CCDC85A: variants seen among roughly 807,000 people sequenced by gnomAD.
The protein encoded by CCDC85A is coiled-coil domain containing 85A.
Under a neutral mutation model 50.2 loss-of-function variants are expected in CCDC85A, and 38 were observed. The observed-to-expected ratio is 0.76, with a 90% CI of 0.58 to 0.99. The LOEUF (loss-of-function observed/expected upper bound fraction) is 0.99, where lower values mean the gene tolerates loss of function less well. Among genes scored for constraint, CCDC85A ranks in the 50% least tolerant of loss-of-function variants. CCDC85A has a pLI of 0.00. For synonymous variants in CCDC85A, 366 were observed against 301.4 expected (o/e 1.21, Z -2.22); for missense variants, 820 against 742.0 (o/e 1.11, Z -1.22).
At chr2:56,237,790 A>T (rs1205707303) in intron 2 of CCDC85A, among the ~76,000 whole-genome samples, 1 of 151,496 alleles carries the variant, frequency 6.6e-6, no homozygotes, top group Non-Finnish European at 1.5e-5. Context: ...CTATGATTGA[A>T]TGCTGAATAT....
intron 3 of CCDC85A, among the ~76,000 whole-genome samples, chr2:56,360,477 C>A (rs1675469539): frequency 6.6e-6 from 1 of 152,192 alleles, no homozygotes; most frequent in Non-Finnish European, 1.5e-5. Flanking sequence ...CCTCGGGGAA[C>A]TTACTACTGG....
intron 2 of CCDC85A, among the ~76,000 whole-genome samples, chr2:56,224,858 A>G (rs1171258668): frequency 2.0e-5 from 3 of 152,128 alleles, no homozygotes; most frequent in African/African-American, 4.8e-5. Context: ...TATCAGATAT[A>G]TGATGTACAA....
chr2:56,217,438 T>C (rs922396162), intron 2 of CCDC85A, among the ~76,000 whole-genome samples: 6 of 151,954 alleles, frequency 3.9e-5, no homozygotes, highest in Admixed American at 1.3e-4. Context: ...CTTTAATTTT[T>C]TGGTTTATTT....
chr2:56,320,977 T>G (rs1673153188), intron 2 of CCDC85A, among the ~76,000 whole-genome samples: 1 of 152,182 alleles, frequency 6.6e-6, no homozygotes, highest in African/African-American at 2.4e-5. Context: ...GATGCAAGGC[T>G]GGTTCAACAT....
intron 2 of CCDC85A, among the ~76,000 whole-genome samples, chr2:56,236,313 C>T (rs1389101971): frequency 6.6e-6 from 1 of 152,084 alleles, no homozygotes; most frequent in Non-Finnish European, 1.5e-5. Context: ...ACAATCATGG[C>T]CATTGAAAAA....
chr2:56,303,714 A>C (rs1444040700), intron 2 of CCDC85A, among the ~76,000 whole-genome samples: 1 of 152,002 alleles, frequency 6.6e-6, no homozygotes, highest in Non-Finnish European at 1.5e-5. Context: ...ACTTTTTTTT[A>C]AATTGAGAGT....
intron 3 of CCDC85A, among the ~76,000 whole-genome samples, chr2:56,370,498 T>G (rs1014660392): frequency 1.3e-5 from 2 of 152,134 alleles, no homozygotes; most frequent in African/African-American, 4.8e-5. Flanking sequence ...TATCATCAGT[T>G]TATTCTTCCA....
chr2:56,282,576 C>G (rs551344795), intron 2 of CCDC85A, among the ~76,000 whole-genome samples: 114 of 152,214 alleles, frequency 7.5e-4, no homozygotes, highest in Non-Finnish European at 1.1e-3. Context: ...ATGGCGCGAT[C>G]TCGGCTCACC....
At chr2:56,234,608 A>G (rs746323072) in intron 2 of CCDC85A, among the ~76,000 whole-genome samples, 15 of 151,762 alleles carry the variant, frequency 9.9e-5, no homozygotes, top group Non-Finnish European at 1.5e-4. Context: ...AAATGTACCT[A>G]TTTCACCTCA....
intron 2 of CCDC85A, among the ~76,000 whole-genome samples, chr2:56,330,079 G>A (rs755157573): frequency 3.5e-4 from 53 of 149,380 alleles, no homozygotes; most frequent in Non-Finnish European, 6.8e-4. Context: ...TATTAAAATG[G>A]CATCCACTTT....
chr2:56,213,600 G>T (rs1376607114), intron 2 of CCDC85A, among the ~76,000 whole-genome samples: 1 of 151,900 alleles, frequency 6.6e-6, no homozygotes, highest in Non-Finnish European at 1.5e-5. Flanking sequence ...AATGACTTTT[G>T]CTTGAATCCC....
intron 2 of CCDC85A, among the ~76,000 whole-genome samples, chr2:56,207,906 C>T (rs1289540645): frequency 6.6e-6 from 1 of 152,082 alleles, no homozygotes; most frequent in East Asian, 1.9e-4. Context: ...CAGCCTTTTC[C>T]TCCATTATTC....
intron 2 of CCDC85A, among the ~76,000 whole-genome samples, chr2:56,217,382 T>C (rs142333565): frequency 6.6e-6 from 1 of 152,040 alleles, no homozygotes; most frequent in East Asian, 1.9e-4. Context: ...TTAGGTGTGC[T>C]TCACAGTTTG....
intron 3 of CCDC85A, 33 bp downstream of exon 3, chr2:56,342,988 G>C: frequency 7.1e-6 from 10 of 1,416,482 alleles, no homozygotes; most frequent in Non-Finnish European, 9.8e-6. Context: ...TAGCTAGTCA[G>C]TGCCATTTAA....
At chr2:56,343,221 A>G (rs1674462606) in intron 3 of CCDC85A, among the ~76,000 whole-genome samples, 1 of 152,212 alleles carries the variant, frequency 6.6e-6, no homozygotes, top group South Asian at 2.1e-4. Flanking sequence ...GGATAAAATA[A>G]TGAGAAGTAG....
intron 3 of CCDC85A, 110 bp from the exon 4 acceptor site, chr2:56,372,234 A>G (rs890519527): frequency 4.6e-6 from 5 of 1,093,276 alleles, no homozygotes; most frequent in Non-Finnish European, 6.1e-6. Flanking sequence ...ACAGCTTGCC[A>G]TTGTGGTCAT....
At chr2:56,267,218 C>G (rs1052899358) in intron 2 of CCDC85A, among the ~76,000 whole-genome samples, 1 of 152,162 alleles carries the variant, frequency 6.6e-6, no homozygotes, top group South Asian at 2.1e-4. Flanking sequence ...CCAGACCCCA[C>G]GCTCTTGCCA....
At chr2:56,223,093 G>C (rs1181117479) in intron 2 of CCDC85A, among the ~76,000 whole-genome samples, 2 of 152,098 alleles carry the variant, frequency 1.3e-5, no homozygotes, top group Non-Finnish European at 2.9e-5. Flanking sequence ...AGTCCACAAA[G>C]GGAATTTCAG....
chr2:56,288,768 A>G (rs1671564410), intron 2 of CCDC85A, among the ~76,000 whole-genome samples: 1 of 152,124 alleles, frequency 6.6e-6, no homozygotes, highest in African/African-American at 2.4e-5. Flanking sequence ...CCTAAATTAT[A>G]CATCCTAAGA....
Sources: gnomAD v4.1 joint callset for allele counts (sites outside exome capture counted in the v4.1 genomes callset) on GRCh38, gnomAD v4.1.1 for gene constraint, MANE v1.5 for transcripts, NCBI Gene and HGNC (gene_info 2026-07-23, HGNC 2026-07-21) for gene names.